The following DCC variants were observed in gnomAD, a reference collection of about 807,000 sequenced individuals.
DCC encodes the protein netrin receptor DCC.
A neutral mutation model predicts 172.5 loss-of-function variants in DCC; 58 were observed. That is an observed-to-expected ratio of 0.34 (90% CI 0.27 to 0.42). DCC has a LOEUF of 0.42. DCC is among the 10% of genes least tolerant of loss of function. The pLI, the probability that DCC is intolerant of heterozygous loss-of-function variation, is 1.00. For synonymous variants in DCC, 709 were observed against 644.5 expected, an observed-to-expected ratio of 1.10 and a Z score of -1.52; for missense variants, 1,740 against 1,791.0, an observed-to-expected ratio of 0.97 and a Z score of 0.51.
chr18:52,873,412 C>T (rs148491699), intron 2 of DCC, among the ~76,000 whole-genome samples: 1 of 152,180 alleles, frequency 6.6e-6, no homozygotes, highest in East Asian at 1.9e-4. Context: ...GATATATACA[C>T]GAGCTTGCCT....
At chr18:52,823,286 T>C (rs1049680388) in intron 2 of DCC, among the ~76,000 whole-genome samples, 7 of 152,204 alleles carry the variant, frequency 4.6e-5, no homozygotes, top group Non-Finnish European at 7.4e-5. Flanking sequence ...CTGGTCAACA[T>C]AGACACTGTC....
intron 1 of DCC, among the ~76,000 whole-genome samples, chr18:52,637,200 G>A (rs1005376152): frequency 2.6e-5 from 4 of 152,136 alleles, no homozygotes; most frequent in Admixed American, 1.3e-4. Flanking sequence ...CCCTCTGACA[G>A]AGCATACCCA....
At chr18:53,229,798 G>T (rs1357057500) in intron 12 of DCC, among the ~76,000 whole-genome samples, 2 of 152,042 alleles carry the variant, frequency 1.3e-5, no homozygotes, top group East Asian at 3.8e-4. Context: ...AAGGAAAAAA[G>T]CTGACTTAAT....
chr18:53,172,798 C>T (rs2055033490), intron 8 of DCC, among the ~76,000 whole-genome samples: 1 of 151,922 alleles, frequency 6.6e-6, no homozygotes, highest in African/African-American at 2.4e-5. Context: ...TTCCCATGAT[C>T]CAAAGAAGTT....
chr18:52,968,808 C>T (rs1293637946), intron 5 of DCC, among the ~76,000 whole-genome samples: 1 of 151,886 alleles, frequency 6.6e-6, no homozygotes, highest in Non-Finnish European at 1.5e-5. Context: ...TCTAAATTTC[C>T]AATAAAATAG....
intron 5 of DCC, among the ~76,000 whole-genome samples, chr18:52,945,029 C>A (rs2040519335): frequency 6.6e-6 from 1 of 152,148 alleles, no homozygotes; most frequent in African/African-American, 2.4e-5. Context: ...CTAAAATACT[C>A]AATTTCTGCA....
chr18:52,938,296 T>C (rs189172196), intron 5 of DCC, among the ~76,000 whole-genome samples: 1 of 152,226 alleles, frequency 6.6e-6, no homozygotes, highest in African/African-American at 2.4e-5. Flanking sequence ...ACAGTGAGAT[T>C]TATCACAGCA....
intron 1 of DCC, among the ~76,000 whole-genome samples, chr18:52,736,334 C>A (rs918318196): frequency 9.9e-5 from 15 of 150,846 alleles, no homozygotes; most frequent in African/African-American, 3.6e-4. Context: ...ACAACACAAA[C>A]CCTCAGCAAA....
intron 21 of DCC, among the ~76,000 whole-genome samples, chr18:53,426,721 T>C (rs553411480): frequency 6.6e-6 from 1 of 152,256 alleles, no homozygotes; most frequent in Non-Finnish European, 1.5e-5. Flanking sequence ...CTCACTGACT[T>C]ACAAACTTCT....
intron 1 of DCC, among the ~76,000 whole-genome samples, chr18:52,744,959 C>A (rs1599067979): frequency 6.6e-6 from 1 of 152,120 alleles, no homozygotes; most frequent in Non-Finnish European, 1.5e-5. Context: ...CCTCTCATAG[C>A]CCCTTATGTG....
intron 1 of DCC, among the ~76,000 whole-genome samples, chr18:52,418,458 A>G (rs1987123831): frequency 6.6e-6 from 1 of 152,172 alleles, no homozygotes; most frequent in South Asian, 2.1e-4. Flanking sequence ...GAAGTTACGT[A>G]CGTCCAAAAG....
Position 52,975,287 on chromosome 18 carries a change from A to AAG in DCC, c.985+49928_985+49929dup, listed in dbSNP as rs2041098836. 3.9e-5 allele frequency among the ~76,000 whole-genome samples: 6 copies of AAG among 152,068 alleles called. No individual in the cohort carries two copies. In the South Asian group the frequency reaches 1.2e-3, roughly 32 times the overall value. The stretch of plus-strand genomic sequence containing the variant: ...GCCTTCTCACTGTGTCTTCACAGGG[A>AAG]AGAGAGAGAGAGCTCTGGTGTTTCT... On this transcript the variant is annotated intron_variant, in intron 5 of 28. Transcript: ENST00000442544.
chr18:53,124,546 A>T (rs1309786948), intron 7 of DCC, among the ~76,000 whole-genome samples: 2 of 152,084 alleles, frequency 1.3e-5, no homozygotes, highest in Non-Finnish European at 2.9e-5. Context: ...GACATTACTT[A>T]GTTGTGGGTT....
chr18:52,646,597 C>A (rs2035024091), intron 1 of DCC, among the ~76,000 whole-genome samples: 1 of 152,146 alleles, frequency 6.6e-6, no homozygotes, highest in Admixed American at 6.5e-5. Flanking sequence ...GCCAGCACTG[C>A]TCACAAAACT....
intron 2 of DCC, among the ~76,000 whole-genome samples, chr18:52,846,544 GAAA>G (rs199772498): frequency 5.5e-5 from 8 of 144,530 alleles, no homozygotes; most frequent in Admixed American, 4.2e-4. Flanking sequence ...GTCTCAAAGA[GAAA>G]AAAAAAATTC....
chr18:53,063,655 C>T (rs1484374723), intron 6 of DCC, 196 bp downstream of exon 6: 1 of 551,678 alleles, frequency 1.8e-6, no homozygotes, highest in Admixed American at 3.2e-5. Context: ...TCAAAGAATT[C>T]AGCCCCCTGG....
intron 1 of DCC, among the ~76,000 whole-genome samples, chr18:52,728,144 T>C (rs1436367081): frequency 2.0e-5 from 3 of 152,026 alleles, no homozygotes; most frequent in African/African-American, 7.3e-5. Flanking sequence ...GGGAATTGCC[T>C]TTCCTATTTA....
chr18:53,519,198 G>A (rs891085389), intron 27 of DCC, among the ~76,000 whole-genome samples: 5 of 151,946 alleles, frequency 3.3e-5, no homozygotes, highest in African/African-American at 9.7e-5. Flanking sequence ...TACATTTATA[G>A]ACATACAGAC....
chr18:52,695,937 C>T (rs951668801), intron 1 of DCC, among the ~76,000 whole-genome samples: 20 of 152,160 alleles, frequency 1.3e-4, no homozygotes, highest in Non-Finnish European at 2.9e-4. Context: ...CCCAGGAAGG[C>T]TGTGGCTCCT....
Sources: gnomAD v4.1 joint callset for allele counts (sites outside exome capture counted in the v4.1 genomes callset) on GRCh38, gnomAD v4.1.1 for gene constraint, MANE v1.5 for transcripts, NCBI Gene and HGNC (gene_info 2026-07-23, HGNC 2026-07-21) for gene names.